The following SHB variants were observed in gnomAD, a reference collection of about 807,000 sequenced individuals.
SHB encodes the protein SH2 domain containing adaptor protein B.
In SHB, 20 loss-of-function variants were observed where a neutral mutation model predicts 52.3. The observed-to-expected ratio is 0.38, with a 90% CI of 0.27 to 0.56. SHB has a LOEUF of 0.56. Among genes scored for constraint, SHB ranks in the 20% least tolerant of loss-of-function variants. The pLI, the probability that SHB is intolerant of heterozygous loss-of-function variation, is 0.71. For missense variants in SHB, 825 were observed against 723.3 expected (o/e 1.14, Z -1.61); for synonymous variants, 397 against 316.5 (o/e 1.25, Z -2.70).
chr9:37,935,850 C>G (rs1448178157), intron 5 of SHB, among the ~76,000 whole-genome samples: 1 of 152,012 alleles, frequency 6.6e-6, no homozygotes, highest in Non-Finnish European at 1.5e-5. Flanking sequence ...CAAAGAAAAT[C>G]TCAAGACAGA....
chr9:38,034,447 T>C (rs1821456814), intron 1 of SHB, among the ~76,000 whole-genome samples: 2 of 152,222 alleles, frequency 1.3e-5, no homozygotes, highest in African/African-American at 2.4e-5. Flanking sequence ...GTCCAGCTCT[T>C]TGGGAGGTCC....
intron 1 of SHB, among the ~76,000 whole-genome samples, chr9:38,056,972 A>AT (rs904590278): frequency 6.6e-6 from 1 of 152,234 alleles, no homozygotes; most frequent in African/African-American, 2.4e-5. Flanking sequence ...AATTCCGAGG[A>AT]TTGTGTGAGA....
At chr9:38,030,257 C>G (rs150599128) in intron 1 of SHB, among the ~76,000 whole-genome samples, 1 of 152,342 alleles carries the variant, frequency 6.6e-6, no homozygotes, top group African/African-American at 2.4e-5. Context: ...AGTCCTGGAC[C>G]ATGTACAACT....
At chr9:37,972,787 T>C (rs1358716680) in intron 3 of SHB, among the ~76,000 whole-genome samples, 4 of 152,150 alleles carry the variant, frequency 2.6e-5, no homozygotes, top group African/African-American at 9.7e-5. Context: ...TGTGTTGGAA[T>C]GGCTAGAACA....
chr9:37,996,761 C>T (rs1254216457), intron 2 of SHB, among the ~76,000 whole-genome samples: 1 of 152,222 alleles, frequency 6.6e-6, no homozygotes, highest in Non-Finnish European at 1.5e-5. Context: ...CTCTTAATCA[C>T]CCTGGAGAAG....
intron 2 of SHB, among the ~76,000 whole-genome samples, chr9:37,991,229 G>A (rs1820876139): frequency 6.6e-6 from 1 of 152,158 alleles, no homozygotes; most frequent in Admixed American, 6.5e-5. Context: ...GGAAACTGAG[G>A]CTGAGACTGA....
chr9:38,001,277 A>G (rs2118040659), intron 2 of SHB, among the ~76,000 whole-genome samples: 1 of 152,288 alleles, frequency 6.6e-6, no homozygotes, highest in South Asian at 2.1e-4. Flanking sequence ...ATCTCAAGTG[A>G]GCCTGTGTGT....
chr9:37,922,185 T>A (rs1222157520), intron 5 of SHB, among the ~76,000 whole-genome samples: 1 of 152,214 alleles, frequency 6.6e-6, no homozygotes, highest in Non-Finnish European at 1.5e-5. Context: ...TGGCGGGAAC[T>A]GAGTCTGCCA....
chr9:38,020,070 C>T (rs980281175), intron 1 of SHB, among the ~76,000 whole-genome samples: 5 of 152,226 alleles, frequency 3.3e-5, no homozygotes, highest in African/African-American at 9.6e-5. Context: ...GGGAGATGCA[C>T]ACTCCAAACT....
chr9:37,926,036 G>A (rs1463109240), intron 5 of SHB, among the ~76,000 whole-genome samples: 1 of 152,124 alleles, frequency 6.6e-6, no homozygotes, highest in Non-Finnish European at 1.5e-5. Flanking sequence ...CAACAGGGTG[G>A]AGGCAAACAG....
chr9:38,061,795 T>C (rs1459507198), intron 1 of SHB, among the ~76,000 whole-genome samples: 1 of 152,108 alleles, frequency 6.6e-6, no homozygotes, highest in East Asian at 1.9e-4. Flanking sequence ...AGTCTCTTCC[T>C]CCAAACAGAG....
intron 1 of SHB, among the ~76,000 whole-genome samples, chr9:38,023,503 G>A (rs7856790): frequency 0.3 from 46,129 of 152,050 alleles, 7,221 homozygotes; most frequent in Middle Eastern, 0.41. Context: ...CTCTGCCCAC[G>A]AGAAGATGAA....
chr9:38,064,609 A>C (rs1821937674), intron 1 of SHB, among the ~76,000 whole-genome samples: 1 of 152,174 alleles, frequency 6.6e-6, no homozygotes, highest in Non-Finnish European at 1.5e-5. Context: ...TGAACTTCCC[A>C]AATTCTTCAA....
chr9:38,022,128 A>G (rs985766028), intron 1 of SHB, among the ~76,000 whole-genome samples: 9 of 152,178 alleles, frequency 5.9e-5, no homozygotes, highest in Admixed American at 6.5e-5. Context: ...TTTCCTTAAC[A>G]GTTTGGGGGC....
rs550498828 is a variant in SHB at position 38,001,714 on chromosome 9, G to A, written c.838+14297C>T. 4.1e-3 allele frequency among the ~76,000 whole-genome samples: 618 copies of A among 152,370 alleles called. 2 individuals carry two copies. Among genetic ancestry groups the A allele is most frequent in the Non-Finnish European group, 7.3e-3 (500 of 68,036 alleles). On this transcript the variant is annotated intron_variant, in intron 2 of 5. Transcript: ENST00000377707. ...AGTGGGAGGAGACTGGCTGGCCACAGAGGGTTAGGGTTAGTTCCCTTGGAG... is the reference window on the plus strand; with the variant it reads ...AGTGGGAGGAGACTGGCTGGCCACAAAGGGTTAGGGTTAGTTCCCTTGGAG...
Position 38,061,642 on chromosome 9 carries a change from CAA to C in SHB, c.717+6285_717+6286del, listed in dbSNP as rs368672903. ...TTATGGGTCAGAAATGCTCTGGGGGCAAAGAGAGGATAGGGTCAAGTCATGGG... is the reference window on the plus strand; with the variant it reads ...TTATGGGTCAGAAATGCTCTGGGGGCAGAGAGGATAGGGTCAAGTCATGGG... On this transcript the variant is annotated intron_variant, in intron 1 of 5. Transcript: ENST00000377707. Among the ~76,000 whole-genome samples the C allele has an allele frequency of 1.9e-4, 29 of 152,230 alleles. No homozygotes were observed. The South Asian group carries it at 5.8e-3, about 30-fold the overall frequency.
intron 1 of SHB, among the ~76,000 whole-genome samples, chr9:38,042,352 C>T (rs1821595684): frequency 6.6e-6 from 1 of 152,210 alleles, no homozygotes; most frequent in Admixed American, 6.5e-5. Flanking sequence ...CCAAACTGCA[C>T]ACATGCCCTT....
At chr9:37,949,378 G>GCA (rs1298415412) in intron 4 of SHB, among the ~76,000 whole-genome samples, 1 of 114,684 alleles carries the variant, frequency 8.7e-6, no homozygotes, top group Admixed American at 1.3e-4. Flanking sequence ...GGAAGACACA[G>GCA]CAAGACTCCA....
At chr9:37,986,271 T>TGG (rs1820806245) in intron 2 of SHB, among the ~76,000 whole-genome samples, 1 of 152,090 alleles carries the variant, frequency 6.6e-6, no homozygotes, top group Admixed American at 6.5e-5. Context: ...AAAGGGCAAC[T>TGG]GGGGCAGGAC....
Sources: gnomAD v4.1 joint callset for allele counts (sites outside exome capture counted in the v4.1 genomes callset) on GRCh38, gnomAD v4.1.1 for gene constraint, MANE v1.5 for transcripts, NCBI Gene and HGNC (gene_info 2026-07-23, HGNC 2026-07-21) for gene names.